Variants in SIGIRR observed in about 807,000 individuals in gnomAD.
SIGIRR encodes the protein single Ig IL-1-related receptor.
SIGIRR carries 41 observed loss-of-function variants against 45.6 expected under a neutral mutation model. The ratio of observed to expected loss-of-function variants is 0.90; its 90% confidence interval spans 0.70 to 1.17. The LOEUF (loss-of-function observed/expected upper bound fraction) is 1.17, where lower values mean the gene tolerates loss of function less well. SIGIRR is among the 50% of genes most tolerant of loss of function. The pLI is 0.00. For missense variants in SIGIRR, 599 were observed against 539.6 expected (o/e 1.11, Z -1.09); for synonymous variants, 298 against 239.0 (o/e 1.25, Z -2.28).
At position 406,830 on chromosome 11, in the gene SIGIRR, G is replaced by T. The variant is rs543547495; in HGVS notation, c.879+13C>A. The stretch of plus-strand genomic sequence containing the variant: ...CGCCGCTAGCCCCGGACCCTCCCGC[G>T]CCTGCTCCGCACCACGGAGCCGGGC... On this transcript the variant is annotated intron_variant, in intron 8 of 9. Coordinates refer to ENST00000431843, the MANE Select transcript of SIGIRR (RefSeq NM_001135054.2). 1.3e-5 allele frequency: 20 copies of T among 1,530,334 alleles called. 1 individual carries two copies. The East Asian group carries it at 4.8e-4, about 37-fold the overall frequency. 94.8% of individuals were successfully genotyped at this position (1,530,334 alleles called of 1,614,324 possible).
chr11:414,502 C>T (rs1847825076), intron 1 of SIGIRR, among the ~76,000 whole-genome samples: 1 of 152,020 alleles, frequency 6.6e-6, no homozygotes, highest in African/African-American at 2.4e-5. Flanking sequence ...ACTTGCACCT[C>T]CTACACAGCA....
intron 5 of SIGIRR, 32 bp downstream of exon 5, chr11:407,785 C>A (rs762963483): frequency 1.2e-6 from 2 of 1,611,106 alleles, no homozygotes; most frequent in Non-Finnish European, 1.7e-6. Context: ...GCCGTGGCGA[C>A]CCCTCCTCGC....
upstream of SIGIRR, among the ~76,000 whole-genome samples, chr11:416,460 T>G (rs1258077991): frequency 6.6e-6 from 1 of 151,912 alleles, no homozygotes; most frequent in Non-Finnish European, 1.5e-5. This position sits in a 1 kb window ranked among gnomAD's most constrained non-coding sequence, Gnocchi z 9.1. Flanking sequence ...GCCCAGAATC[T>G]CAGTCCAAGC....
chr11:410,040 C>G lies in SIGIRR; in HGVS notation c.-153-13G>C, dbSNP rs1430791394. The G allele has an allele frequency of 3.2e-6, 4 of 1,237,596 alleles. No individual in the cohort carries two copies. Among genetic ancestry groups the G allele is most frequent in the Non-Finnish European group, 4.0e-6 (4 of 991,524 alleles). The allele number at this position is 1,237,596 out of a possible 1,614,324, so 76.7% of individuals were successfully genotyped here. A position where few individuals can be genotyped will look rare whatever the true frequency, so the allele number is the denominator to read the frequency against. Reference sequence around the variant, plus strand: ...GACAGGTCAGAGGCTGCCGCCATCCCCAGGGAACAAGTTAAACAGGAACAG... The same window carrying G: ...GACAGGTCAGAGGCTGCCGCCATCCGCAGGGAACAAGTTAAACAGGAACAG... On this transcript the variant is annotated splice_polypyrimidine_tract_variant and intron_variant, in intron 1 of 9. Transcript: ENST00000431843.
chr11:416,217 G>A (rs1225309411), upstream of SIGIRR, among the ~76,000 whole-genome samples: 1 of 152,136 alleles, frequency 6.6e-6, no homozygotes, highest in African/African-American at 2.4e-5. The surrounding 1 kb of genome is among the most constrained non-coding windows in gnomAD (Gnocchi z 9.1). Context: ...CAGGAAGCAG[G>A]AGCAGGGCCT....
At position 407,683 on chromosome 11, in the gene SIGIRR, T is replaced by C; in HGVS notation, c.482-115A>G. ...ACAGGGGCAGACCCGCCCCGGACTT[T>C]AACCCCAGCCGGGCCGCACAGAGCA... On this transcript the variant is annotated intron_variant, in intron 5 of 9. Coordinates refer to ENST00000431843, the MANE Select transcript of SIGIRR (RefSeq NM_001135054.2). The C allele has an allele frequency of 3.8e-6, 6 of 1,559,052 alleles. No homozygotes were observed. The South Asian group carries it at 7.1e-5, about 18-fold the overall frequency.
Position 409,976 on chromosome 11 carries a change from C to T in SIGIRR, c.-102G>A, listed in dbSNP as rs1003423665. 5.1e-5 allele frequency: 64 copies of T among 1,252,088 alleles called. No individual in the cohort carries two copies. In the African/African-American group the frequency reaches 9.5e-4, roughly 19 times the overall value. The allele number at this position is 1,252,088 out of a possible 1,614,324, so 77.6% of individuals were successfully genotyped here. On this transcript the variant is annotated 5_prime_UTR_variant, in exon 2 of 10. Transcript: ENST00000431843. ...AGACTGATCCAAGAGCTGGGCAGGA[C>T]TCCTCTCTGTCCTTGCAGTCAGCTG...
intron 4 of SIGIRR, 42 bp downstream of exon 4, chr11:408,031 C>G (rs757783581): frequency 1.9e-6 from 3 of 1,610,876 alleles, no homozygotes; most frequent in Non-Finnish European, 2.5e-6. Context: ...CTCACTAGGT[C>G]TAGGTCCCCT....
Position 405,923 on chromosome 11 carries a change from G to A in SIGIRR, c.1206C>T (p.Tyr402=), listed in dbSNP as rs1847268361. The A allele has an allele frequency of 3.1e-6, 5 of 1,607,918 alleles. No homozygotes were observed. The Admixed American group carries it at 6.7e-5, about 21-fold the overall frequency. Residue 402 remains tyrosine, a synonymous_variant, in exon 10 of 10, where the codon TAC becomes TAT. Coordinates refer to ENST00000431843, the MANE Select transcript of SIGIRR (RefSeq NM_001135054.2). ...SRNYSARTDF[Y]CLVSKDDM is the part of the protein sequence containing the mutation. ...ACATATCATCCTTGGACACCAGGCA[G>A]TAGAAGTCTGTGCGGGCACTGTAGT...
In SIGIRR at chr11:406,552, CG is replaced by C. The variant is rs200018370; in HGVS notation, c.880-15del. ...GGAGGAAGGAGTCTGGGGGCCAGGT[CG>C]GGGCGGTTTGCAGGTGTGAACACCT... On this transcript the variant is annotated splice_polypyrimidine_tract_variant and intron_variant, in intron 8 of 9. Transcript: ENST00000431843. The C allele has an allele frequency of 0.017, 28,016 of 1,601,468 alleles. 332 individuals carry two copies. The highest frequency in any genetic ancestry group is 0.03 in the South Asian group (2,717 of 89,890).
At chr11:412,625 A>C (rs368117703) in intron 1 of SIGIRR, among the ~76,000 whole-genome samples, 3 of 17,490 alleles carry the variant, frequency 1.7e-4, no homozygotes, top group Non-Finnish European at 2.6e-4. Flanking sequence ...CCAGCTCTGA[A>C]CATGTCTGGA....
In SIGIRR at chr11:407,545, C is replaced by A. The variant is rs1847400549; in HGVS notation, c.505G>T (p.Val169Phe). Residue 169 changes from valine (V) to phenylalanine (F), a missense_variant, in exon 6 of 10, where the codon GTC becomes TTC. Coordinates refer to ENST00000431843, the MANE Select transcript of SIGIRR (RefSeq NM_001135054.2). ...TCCTCGGGGCAGTCGCTGTAGGAGA[C>A]GTAGGCGTCGTAGAGCTTCCCGTCT... ...INDGKLYDAYVSYSDCPEDRK... is the reference protein window; with the variant it reads ...INDGKLYDAYFSYSDCPEDRK... 6.2e-7 allele frequency: 1 copy of A among 1,608,964 alleles called. No homozygotes were observed. The highest frequency in any genetic ancestry group is 1.3e-5 in the African/African-American group (1 of 74,798).
intron 6 of SIGIRR, 23 bp downstream of exon 6, chr11:407,402 G>C (rs1447305315): frequency 4.1e-6 from 5 of 1,217,156 alleles, no homozygotes; most frequent in African/African-American, 1.7e-5. Flanking sequence ...GGTGGGCGGG[G>C]CACGGGGTGG....
chr11:416,718 A>C (rs1249316235), upstream of SIGIRR, among the ~76,000 whole-genome samples: 1 of 151,998 alleles, frequency 6.6e-6, no homozygotes, highest in Non-Finnish European at 1.5e-5. The surrounding 1 kb of genome is among the most constrained non-coding windows in gnomAD (Gnocchi z 9.1). Context: ...AACGTGGGTA[A>C]AAGGCTGCGG....
rs924486634 is a variant in SIGIRR at position 407,765 on chromosome 11, T to A, written c.481+52A>T. On this transcript the variant is annotated intron_variant, in intron 5 of 9. Transcript: ENST00000431843. ...TCCAAAGCCGAGCTCAGCAGCGCAC[T>A]CTCAGGGAGGCCGTGGCGACCCCTC... is the stretch of plus-strand genomic sequence containing the variant. 3.1e-6 allele frequency: 5 copies of A among 1,608,778 alleles called. No homozygotes were observed. In the African/African-American group the frequency reaches 5.3e-5, roughly 17 times the overall value.
At chr11:408,924 T>C (rs1300143935) in intron 2 of SIGIRR, 31 bp from the exon 3 acceptor site, 4 of 1,605,118 alleles carry the variant, frequency 2.5e-6, no homozygotes, top group Non-Finnish European at 3.4e-6. Context: ...GGGTCAGCTG[T>C]GCCAGGGTGC....
chr11:407,050 C>T lies in SIGIRR; in HGVS notation c.728+12G>A. Reference sequence around the variant, plus strand: ...CTACGCTGGGGCCCACCCAACCCCGCGCGGGACCCACCGGAAGCTGTGGCT... The same window carrying T: ...CTACGCTGGGGCCCACCCAACCCCGTGCGGGACCCACCGGAAGCTGTGGCT... On this transcript the variant is annotated intron_variant, in intron 7 of 9. Coordinates refer to ENST00000431843, the MANE Select transcript of SIGIRR (RefSeq NM_001135054.2). The T allele has an allele frequency of 1.3e-6, 2 of 1,575,752 alleles. No homozygotes were observed. Among genetic ancestry groups the T allele is most frequent in the Non-Finnish European group, 1.7e-6 (2 of 1,167,386 alleles).
chr11:417,124 C>T (rs1847909220), upstream of SIGIRR, among the ~76,000 whole-genome samples: 1 of 152,198 alleles, frequency 6.6e-6, no homozygotes, highest in African/African-American at 2.4e-5. This position sits in a 1 kb window ranked among gnomAD's most constrained non-coding sequence, Gnocchi z 4.2. Context: ...TCCTCCCTTC[C>T]CCCAGCCCTG....
In SIGIRR at chr11:407,446, G is replaced by C. The variant is rs1478443976; in HGVS notation, c.604C>G (p.Arg202Gly). 2 of 1,554,136 alleles carry C rather than the reference G, an allele frequency of 1.3e-6. No homozygotes were observed. Among genetic ancestry groups the C allele is most frequent in the Non-Finnish European group, 1.7e-6 (2 of 1,149,374 alleles). The change falls in exon 6 of 10, where the codon CGC (arginine) becomes GGC (glycine). Residue 202 changes from arginine (R) to glycine (G), a missense_variant. Transcript: ENST00000431843. ...RRGYKLFLDDRDLLPRAEPSA... is the reference protein window; with the variant it reads ...RRGYKLFLDDGDLLPRAEPSA... Reference sequence around the variant, plus strand: ...ATACCAGCGCGCGGCAGGAGGTCGCGGTCGTCCAGGAAGAGCTTGTAGCCC... The same window carrying C: ...ATACCAGCGCGCGGCAGGAGGTCGCCGTCGTCCAGGAAGAGCTTGTAGCCC...
Sources: allele counts gnomAD v4.1 joint callset (sites outside exome capture counted in the v4.1 genomes callset), GRCh38; gene constraint gnomAD v4.1.1; non-coding constraint Gnocchi (gnomAD v3.1); transcripts MANE v1.5; gene names NCBI Gene and HGNC (gene_info 2026-07-23, HGNC 2026-07-21).